SGCZ: variants seen among roughly 807,000 people sequenced by gnomAD.
SGCZ encodes zeta-sarcoglycan.
A neutral mutation model predicts 41.3 loss-of-function variants in SGCZ; 40 were observed. The ratio of observed to expected loss-of-function variants is 0.97; its 90% CI spans 0.75 to 1.26. The LOEUF is 1.26. SGCZ is among the 50% of genes most tolerant of loss of function. The pLI is 0.00. For missense variants in SGCZ, 552 were observed against 369.8 expected (o/e 1.49, Z -4.04); for synonymous variants, 206 against 137.5 (o/e 1.50, Z -3.49).
intron 2 of SGCZ, among the ~76,000 whole-genome samples, chr8:14,353,079 G>A (rs538960560): frequency 1.8e-3 from 178 of 99,104 alleles, no homozygotes; most frequent in Non-Finnish European, 3.9e-3. Context: ...CGTTGCATGA[G>A]TTTGAAATCT....
chr8:15,162,306 C>T (rs1054136332), intron 1 of SGCZ, among the ~76,000 whole-genome samples: 5 of 152,052 alleles, frequency 3.3e-5, no homozygotes, highest in African/African-American at 9.7e-5. Context: ...TAAAAAACGG[C>T]CAAAAGTTCT....
intron 2 of SGCZ, among the ~76,000 whole-genome samples, chr8:14,498,294 T>G (rs948532897): frequency 3.9e-5 from 6 of 152,154 alleles, no homozygotes; most frequent in African/African-American, 1.4e-4. Context: ...TGGAATTTTT[T>G]GGTTTAGTAA....
At position 14,569,233 on chromosome 8, in the gene SGCZ, T is replaced by G. The variant is rs138605078; in HGVS notation, c.40-14307A>C. 3.6e-3 allele frequency among the ~76,000 whole-genome samples: 544 copies of G among 152,356 alleles called. 2 individuals are homozygous for G. Among genetic ancestry groups the G allele is most frequent in the African/African-American group, 0.012 (513 of 41,582 alleles). ...ATTCTGTTGACAGTGCACAGTATTT[T>G]AATTCATTGCAGCTGAAAATCAAAT... On this transcript the variant is annotated intron_variant, in intron 1 of 7. Transcript: ENST00000382080.
intron 4 of SGCZ, among the ~76,000 whole-genome samples, chr8:14,194,557 A>T (rs949525539): frequency 6.6e-6 from 1 of 151,994 alleles, no homozygotes; most frequent in African/African-American, 2.4e-5. Flanking sequence ...GGAATAATAA[A>T]ATAGTAAACC....
At chr8:14,968,527 G>C (rs888488079) in intron 1 of SGCZ, among the ~76,000 whole-genome samples, 5 of 152,140 alleles carry the variant, frequency 3.3e-5, no homozygotes, top group Admixed American at 2.6e-4. Flanking sequence ...ATTTTCTTAA[G>C]ATATTAAAAA....
chr8:14,863,915 A>G (rs928094497), intron 1 of SGCZ, among the ~76,000 whole-genome samples: 1 of 152,174 alleles, frequency 6.6e-6, no homozygotes, highest in African/African-American at 2.4e-5. Flanking sequence ...TGTGTCTTGC[A>G]TGGAAGAAAT....
At chr8:14,181,144 A>G (rs1023101408) in intron 4 of SGCZ, among the ~76,000 whole-genome samples, 1 of 152,154 alleles carries the variant, frequency 6.6e-6, no homozygotes, top group African/African-American at 2.4e-5. Context: ...AGAAAACCCA[A>G]TGGTAATAAT....
intron 1 of SGCZ, among the ~76,000 whole-genome samples, chr8:15,221,606 C>G (rs1243081440): frequency 2.0e-5 from 3 of 152,118 alleles, no homozygotes; most frequent in Non-Finnish European, 4.4e-5. Flanking sequence ...TCTGTGAAGA[C>G]ACTTTTGGTG....
chr8:14,590,039 T>C (rs1805190868), intron 1 of SGCZ, among the ~76,000 whole-genome samples: 1 of 152,162 alleles, frequency 6.6e-6, no homozygotes, highest in Admixed American at 6.6e-5. Flanking sequence ...TTTCCTTCTT[T>C]CTTTGCTACT....
chr8:14,589,973 T>A (rs1354750246), intron 1 of SGCZ, among the ~76,000 whole-genome samples: 1 of 152,166 alleles, frequency 6.6e-6, no homozygotes, highest in African/African-American at 2.4e-5. Context: ...TTGATGATTA[T>A]GAAGCCAACT....
intron 1 of SGCZ, chr8:14,690,370 C>G (rs1808760337): frequency 6.6e-6 from 1 of 152,042 alleles, no homozygotes; most frequent in African/African-American, 2.4e-5. Flanking sequence ...CCCAGCAACC[C>G]AGCCAGGAGG....
chr8:15,033,231 T>C (rs904730415), intron 1 of SGCZ, among the ~76,000 whole-genome samples: 10 of 151,488 alleles, frequency 6.6e-5, no homozygotes, highest in African/African-American at 1.2e-4. Context: ...CCAGCCCTCA[T>C]AGACCTAGCC....
At chr8:14,225,900 A>G (rs2054419) in intron 4 of SGCZ, among the ~76,000 whole-genome samples, 90,639 of 151,916 alleles carry the variant, frequency 0.6, 27,373 homozygotes, top group East Asian at 0.76. Flanking sequence ...AGCATTTATT[A>G]TACATTTTAT....
At chr8:14,540,598 A>C (rs1803435978) in intron 2 of SGCZ, among the ~76,000 whole-genome samples, 1 of 151,878 alleles carries the variant, frequency 6.6e-6, no homozygotes, top group South Asian at 2.1e-4. Flanking sequence ...GCTATATTTT[A>C]GTGTATGCAA....
chr8:14,700,428 G>T (rs1473686456), intron 1 of SGCZ, among the ~76,000 whole-genome samples: 1 of 151,842 alleles, frequency 6.6e-6, no homozygotes, highest in Non-Finnish European at 1.5e-5. Context: ...ATGCACAAAA[G>T]ATAGGAATAA....
At position 14,455,913 on chromosome 8, in the gene SGCZ, T is replaced by C. The variant is rs557768209; in HGVS notation, c.234+98819A>G. ...AGGAGTTTACATGTTTATGGTTCAATTTACATGAAATGTTCAAATTAGTCA... is the reference window on the plus strand; with the variant it reads ...AGGAGTTTACATGTTTATGGTTCAACTTACATGAAATGTTCAAATTAGTCA... On this transcript the variant is annotated intron_variant, in intron 2 of 7. Transcript: ENST00000382080. Among the ~76,000 whole-genome samples, 5 of 152,328 alleles carry C rather than the reference T, an allele frequency of 3.3e-5. No individual in the cohort carries two copies. In the South Asian group the frequency reaches 1.0e-3, roughly 32 times the overall value.
intron 2 of SGCZ, among the ~76,000 whole-genome samples, chr8:14,550,216 A>T (rs1401699070): frequency 1.3e-5 from 2 of 152,126 alleles, no homozygotes; most frequent in East Asian, 3.9e-4. Context: ...ATAGCAGTAA[A>T]TAAATGAATT....
chr8:14,887,586 A>G (rs1265350536), intron 1 of SGCZ, among the ~76,000 whole-genome samples: 1 of 152,222 alleles, frequency 6.6e-6, no homozygotes, highest in South Asian at 2.1e-4. Context: ...AGCTATACAT[A>G]TACATATACA....
At chr8:14,424,237 T>C (rs1371232589) in intron 2 of SGCZ, among the ~76,000 whole-genome samples, 1 of 152,176 alleles carries the variant, frequency 6.6e-6, no homozygotes, top group Admixed American at 6.5e-5. Context: ...CTATGATTAA[T>C]TTATGAACAG....
Sources: gnomAD v4.1 joint callset for allele counts (sites outside exome capture counted in the v4.1 genomes callset) on GRCh38, gnomAD v4.1.1 for gene constraint, MANE v1.5 for transcripts, NCBI Gene and HGNC (gene_info 2026-07-23, HGNC 2026-07-21) for gene names.